Variants in SNX4 observed in about 807,000 individuals in gnomAD.
SNX4 encodes the protein sorting nexin-4.
SNX4 carries 49 observed loss-of-function variants against 70.8 expected under a neutral mutation model. The ratio of observed to expected loss-of-function variants is 0.69; its 90% confidence interval spans 0.55 to 0.88. SNX4 has a LOEUF of 0.88. SNX4 is among the 40% of genes least tolerant of loss of function. The pLI, the probability that SNX4 is intolerant of heterozygous loss-of-function variation, is 0.00. For synonymous variants in SNX4, 206 were observed against 183.8 expected, an observed-to-expected ratio of 1.12 and a Z score of -0.98; for missense variants, 528 against 544.8, an observed-to-expected ratio of 0.97 and a Z score of 0.31.
intron 8 of SNX4, among the ~76,000 whole-genome samples, chr3:125,475,366 A>C (rs552029201): frequency 6.6e-6 from 1 of 151,896 alleles, no homozygotes; most frequent in South Asian, 2.1e-4. Context: ...CCTGAGAAAA[A>C]ATTTTTTTCA....
At chr3:125,510,283 A>G (rs1935142310) in intron 1 of SNX4, among the ~76,000 whole-genome samples, 1 of 148,088 alleles carries the variant, frequency 6.8e-6, no homozygotes, top group Non-Finnish European at 1.5e-5. Flanking sequence ...CCCAGGCTGG[A>G]GTGCAGTGGT....
At chr3:125,468,384 T>C (rs959923957) in intron 9 of SNX4, among the ~76,000 whole-genome samples, 15 of 152,016 alleles carry the variant, frequency 9.9e-5, no homozygotes, top group Admixed American at 7.2e-4. Flanking sequence ...GAACCTATAA[T>C]AGAAGTTGGA....
In SNX4 at chr3:125,460,867, T is replaced by C; in HGVS notation, c.855-7A>G. ...ATCAATAGAAGATGCATACCTGTTT[T>C]AAAAAAAAAAACACACATTGCATAG... On this transcript the variant is annotated splice_polypyrimidine_tract_variant and splice_region_variant and intron_variant, in intron 9 of 13. Coordinates refer to ENST00000251775, the MANE Select transcript of SNX4 (RefSeq NM_003794.4). The C allele has an allele frequency of 1.9e-6, 2 of 1,065,698 alleles. No individual in the cohort carries two copies. Among genetic ancestry groups the C allele is most frequent in the Non-Finnish European group, 2.6e-6 (2 of 774,576 alleles). The allele number at this position is 1,065,698 out of a possible 1,614,324, so 66.0% of individuals were successfully genotyped here.
At chr3:125,467,824 G>C (rs1934073108) in intron 9 of SNX4, among the ~76,000 whole-genome samples, 1 of 152,202 alleles carries the variant, frequency 6.6e-6, no homozygotes, top group Admixed American at 6.5e-5. Context: ...GTGAAAAGCA[G>C]TCTAGAGATT....
intron 1 of SNX4, among the ~76,000 whole-genome samples, chr3:125,510,028 T>C (rs1935137699): frequency 6.6e-6 from 1 of 152,174 alleles, no homozygotes; most frequent in Admixed American, 6.5e-5. Flanking sequence ...ATGGTGCAGC[T>C]GCTGTAGAAA....
chr3:125,502,129 A>T (rs527593519), intron 2 of SNX4, among the ~76,000 whole-genome samples: 1 of 152,348 alleles, frequency 6.6e-6, no homozygotes, highest in Admixed American at 6.5e-5. Context: ...GCTACAGCTA[A>T]CACTGTTTTC....
chr3:125,519,982 C>A, intron 1 of SNX4, 50 bp downstream of exon 1: 1 of 1,488,086 alleles, frequency 6.7e-7, no homozygotes, highest in East Asian at 2.9e-5. Context: ...CAGCCCGGCC[C>A]GCTAGGCCAC....
intron 5 of SNX4, among the ~76,000 whole-genome samples, chr3:125,489,708 C>T (rs951275024): frequency 6.6e-6 from 1 of 152,188 alleles, no homozygotes; most frequent in Non-Finnish European, 1.5e-5. Context: ...ACTGTACACA[C>T]CAACCAATAC....
At chr3:125,493,257 T>C (rs1934701828) in intron 5 of SNX4, among the ~76,000 whole-genome samples, 1 of 152,180 alleles carries the variant, frequency 6.6e-6, no homozygotes, top group African/African-American at 2.4e-5. Context: ...ATTGAGTATT[T>C]ATATAAATAT....
rs145857608 is a variant in SNX4 at position 125,463,597 on chromosome 3, G to A, written c.855-2737C>T. 2.6e-4 allele frequency among the ~76,000 whole-genome samples: 39 copies of A among 152,238 alleles called. No individual in the cohort carries two copies. The East Asian group carries it at 7.5e-3, about 29-fold the overall frequency. ...GTTGAAAAAAGTAGCTAGTTGGTTT[G>A]GAACATGGCCTAAGGAAAAGTAATA... On this transcript the variant is annotated intron_variant, in intron 9 of 13. Transcript: ENST00000251775.
rs1338080325 is a variant in SNX4, at chr3:125,446,841, T to C, written c.*938A>G. 1 of 152,576 alleles carries C rather than the reference T, an allele frequency of 6.6e-6. No individual in the cohort carries two copies. Among genetic ancestry groups the C allele is most frequent in the East Asian group, 1.9e-4 (1 of 5,196 alleles). The allele number at this position is 152,576 out of a possible 1,614,324, so 9.5% of individuals were successfully genotyped here. On this transcript the variant is annotated 3_prime_UTR_variant, in exon 14 of 14. Transcript: ENST00000251775. Reference sequence around the variant, plus strand: ...AATGAAGATGCTTGCCTTCTGAACATATACTACAAACACACATACAAAAAA... The same window carrying C: ...AATGAAGATGCTTGCCTTCTGAACACATACTACAAACACACATACAAAAAA...
At chr3:125,513,886 AAAC>A (rs1224012966) in intron 1 of SNX4, among the ~76,000 whole-genome samples, 2 of 152,224 alleles carry the variant, frequency 1.3e-5, no homozygotes, top group Admixed American at 1.3e-4. Flanking sequence ...GGTGATTTGT[AAAC>A]AACAGAAATT....
chr3:125,459,022 A>G (rs1933807150), intron 10 of SNX4, among the ~76,000 whole-genome samples: 1 of 151,640 alleles, frequency 6.6e-6, no homozygotes, highest in Non-Finnish European at 1.5e-5. Flanking sequence ...AAAAATACAA[A>G]AATTAGCCGG....
intron 5 of SNX4, among the ~76,000 whole-genome samples, chr3:125,495,593 TC>T (rs1934776512): frequency 6.6e-6 from 1 of 151,782 alleles, no homozygotes; most frequent in African/African-American, 2.4e-5. Flanking sequence ...AAACATTCTA[TC>T]TAAATACTTA....
chr3:125,504,772 A>G (rs1412083831), intron 1 of SNX4, 28 bp from the exon 2 acceptor site: 2 of 1,606,830 alleles, frequency 1.2e-6, no homozygotes, highest in Non-Finnish European at 1.7e-6. Flanking sequence ...AAACAACAAC[A>G]ACAACAAAAA....
intron 11 of SNX4, among the ~76,000 whole-genome samples, chr3:125,454,805 C>T (rs899186210): frequency 3.9e-5 from 6 of 152,192 alleles, no homozygotes; most frequent in African/African-American, 1.4e-4. Context: ...CCACCATAAG[C>T]TTCACAACCA....
intron 5 of SNX4, among the ~76,000 whole-genome samples, 175 bp from the exon 6 acceptor site, chr3:125,489,638 A>T (rs1242100433): frequency 6.6e-6 from 1 of 152,258 alleles, no homozygotes; most frequent in Non-Finnish European, 1.5e-5. Flanking sequence ...TGAAAACACT[A>T]CAAAAACATA....
chr3:125,449,563 A>G (rs1248823009), intron 13 of SNX4, among the ~76,000 whole-genome samples: 2 of 152,208 alleles, frequency 1.3e-5, no homozygotes, highest in African/African-American at 4.8e-5. Flanking sequence ...CACTTAGGCA[A>G]GAAAACAAAA....
At chr3:125,498,311 G>T (rs1934855405) in intron 2 of SNX4, 117 bp from the exon 3 acceptor site, 2 of 981,318 alleles carry the variant, frequency 2.0e-6, no homozygotes, top group South Asian at 1.8e-5. Context: ...ACTAAGTAAA[G>T]AACTTTTCAT....
Sources: gnomAD v4.1 joint callset for allele counts (sites outside exome capture counted in the v4.1 genomes callset) on GRCh38, gnomAD v4.1.1 for gene constraint, MANE v1.5 for transcripts, NCBI Gene and HGNC (gene_info 2026-07-23, HGNC 2026-07-21) for gene names.